ECHDC3: variants seen among roughly 807,000 people sequenced by gnomAD.
ECHDC3 encodes enoyl-CoA hydratase domain containing 3.
In ECHDC3, 20 loss-of-function variants were observed where a neutral mutation model predicts 17.9. That is an observed-to-expected ratio of 1.12 (90% CI 0.79 to 1.63). ECHDC3 has a LOEUF of 1.63. ECHDC3 is among the 40% of genes most tolerant of loss of function. The pLI is 0.00. For synonymous variants in ECHDC3, 177 were observed against 149.7 expected (o/e 1.18, Z -1.33); for missense variants, 407 against 357.7 (o/e 1.14, Z -1.11).
intron 4 of ECHDC3, among the ~76,000 whole-genome samples, chr10:11,760,595 T>C (rs1029398787): frequency 5.9e-5 from 9 of 152,230 alleles, no homozygotes; most frequent in Non-Finnish European, 1.2e-4. Context: ...TTCGTTGTTT[T>C]TTCTTGTTGC....
intron 3 of ECHDC3, among the ~76,000 whole-genome samples, chr10:11,753,704 T>C (rs1832853556): frequency 2.0e-5 from 3 of 152,198 alleles, no homozygotes; most frequent in Admixed American, 2.0e-4. Flanking sequence ...CGCCTTACAG[T>C]GCATGAACCC....
rs375815859 is a variant in ECHDC3, at chr10:11,755,477, G to A, written c.460G>A (p.Gly154Ser). Residue 154 changes from glycine to serine, a missense_variant, in exon 4 of 5, where the codon GGC becomes AGC. Gly to Ser is a moderately conservative substitution (Grantham distance 56). Transcript: ENST00000379215. Reference sequence around the variant, plus strand: ...GGTCAATGGCCTGGCCGCGGCTGCCGGCTGTCAACTGGTTGCCAGCTGCGA... The same window carrying A: ...GGTCAATGGCCTGGCCGCGGCTGCCAGCTGTCAACTGGTTGCCAGCTGCGA... ...AMVNGLAAAA[G>S]CQLVASCDIA... 2.0e-5 allele frequency: 33 copies of A among 1,613,866 alleles called. No individual in the cohort carries two copies. The highest frequency in any genetic ancestry group is 1.7e-4 in the Admixed American group (10 of 59,996).
intron 2 of ECHDC3, 39 bp from the exon 3 acceptor site, chr10:11,749,456 A>G (rs993351089): frequency 3.7e-6 from 6 of 1,608,514 alleles, no homozygotes; most frequent in Non-Finnish European, 5.1e-6. Flanking sequence ...GGGTGTTTAC[A>G]TCTTTTTGTT....
intron 4 of ECHDC3, among the ~76,000 whole-genome samples, chr10:11,759,876 A>G (rs1014919024): frequency 6.6e-5 from 10 of 152,132 alleles, no homozygotes; most frequent in African/African-American, 2.4e-5. Flanking sequence ...TGCACCTGCT[A>G]TCTCTAATCC....
Position 11,742,675 on chromosome 10 carries a change from G to T in ECHDC3, c.99G>T (p.Arg33=). The T allele has an allele frequency of 8.0e-6, 10 of 1,247,010 alleles. No individual in the cohort carries two copies. Among genetic ancestry groups the T allele is most frequent in the Non-Finnish European group, 1.0e-5 (10 of 997,062 alleles). 77.2% of individuals were successfully genotyped at this position (1,247,010 alleles called of 1,614,324 possible). A position where few individuals can be genotyped will look rare whatever the true frequency, so the allele number is the denominator to read the frequency against. ...WAQLPARFCS[R]DPAGAGRRES... ...AGCTCCCCGCCCGCTTCTGCAGCCG[G>T]GACCCGGCCGGGGCGGGGCGGCGGG... Residue 33 remains arginine (R), a synonymous_variant, in exon 1 of 5, where the codon CGG becomes CGT. Transcript: ENST00000379215.
At position 11,753,924 on chromosome 10, in the gene ECHDC3, T is replaced by A. The variant is rs1832856858; in HGVS notation, c.391-1484T>A. ...CAAGTAGGCTGGGATTACAGGCACG[T>A]GCCACCACACCCAGCTAATTTTTGT... On this transcript the variant is annotated intron_variant, in intron 3 of 4. Coordinates refer to ENST00000379215, the MANE Select transcript of ECHDC3 (RefSeq NM_024693.5). Among the ~76,000 whole-genome samples the A allele has an allele frequency of 2.6e-5, 4 of 152,240 alleles. No individual in the cohort carries two copies. In the South Asian group the frequency reaches 8.3e-4, roughly 32 times the overall value.
chr10:11,743,423 C>T (rs1365838064), intron 1 of ECHDC3, among the ~76,000 whole-genome samples: 50 of 152,254 alleles, frequency 3.3e-4, no homozygotes, highest in Non-Finnish European at 7.3e-5. Flanking sequence ...ACTGATAATC[C>T]TCAGATGACC....
chr10:11,747,048 C>T (rs1215842369), intron 1 of ECHDC3, among the ~76,000 whole-genome samples: 1 of 152,140 alleles, frequency 6.6e-6, no homozygotes, highest in Non-Finnish European at 1.5e-5. Flanking sequence ...GATTTTGGAA[C>T]CGCTGTGCAT....
intron 1 of ECHDC3, chr10:11,743,055 G>T (rs917943268): frequency 3.4e-6 from 1 of 296,214 alleles, no homozygotes; most frequent in African/African-American, 2.2e-5. Flanking sequence ...GGGAAGTGTG[G>T]GCTTGGTCGA....
At chr10:11,757,105 T>C (rs956863784) in intron 4 of ECHDC3, among the ~76,000 whole-genome samples, 9 of 152,202 alleles carry the variant, frequency 5.9e-5, no homozygotes, top group Admixed American at 5.9e-4. Context: ...ATTCATAAAC[T>C]ATCTTATAAT....
At chr10:11,762,600 G>T (rs1260777988) in intron 4 of ECHDC3, among the ~76,000 whole-genome samples, 2 of 152,170 alleles carry the variant, frequency 1.3e-5, no homozygotes, top group African/African-American at 4.8e-5. Flanking sequence ...AGGGAGCTGG[G>T]CTCCCCCGCT....
intron 3 of ECHDC3, among the ~76,000 whole-genome samples, chr10:11,752,689 A>T (rs1273510114): frequency 6.6e-6 from 1 of 152,162 alleles, no homozygotes; most frequent in Non-Finnish European, 1.5e-5. Context: ...AGTACTTTAG[A>T]TATGTTAATT....
At position 11,755,555 on chromosome 10, in the gene ECHDC3, G is replaced by A. The variant is rs144481528; in HGVS notation, c.538G>A (p.Gly180Arg). 200 of 1,613,812 alleles carry A rather than the reference G, an allele frequency of 1.2e-4. No homozygotes were observed. The highest frequency in any genetic ancestry group is 1.5e-4 in the Non-Finnish European group (179 of 1,179,972). Residue 180 changes from glycine (G) to arginine (R), a missense_variant, in exon 4 of 5, where the codon GGG becomes AGG. Gly to Arg is a moderately radical substitution (Grantham distance 125, BLOSUM62 -2). Transcript: ENST00000379215. ...SSFATPGVNVGLFCSTPGVAL... is the reference protein window; with the variant it reads ...SSFATPGVNVRLFCSTPGVAL... ...TTTTGCCACTCCTGGGGTGAACGTCGGGCTCTTCTGTTCTACCCCTGGGGT... is the reference window on the plus strand; with the variant it reads ...TTTTGCCACTCCTGGGGTGAACGTCAGGCTCTTCTGTTCTACCCCTGGGGT...
rs1446122545 is a variant in ECHDC3 at position 11,759,774 on chromosome 10, G to T, written c.592-3450G>T. Among the ~76,000 whole-genome samples the T allele has an allele frequency of 5.9e-5, 9 of 152,334 alleles. No individual in the cohort carries two copies. In the South Asian group the frequency reaches 6.2e-4, roughly 11 times the overall value. ...TTAAAAGCCAGCATTAGAGATCATG[G>T]ACCATCTGCAGTTGGCCTAGTTGTG... On this transcript the variant is annotated intron_variant, in intron 4 of 4. Transcript: ENST00000379215.
intron 4 of ECHDC3, among the ~76,000 whole-genome samples, chr10:11,761,207 G>A (rs1173871433): frequency 3.3e-5 from 5 of 152,210 alleles, no homozygotes; most frequent in African/African-American, 9.6e-5. Context: ...TTCTAGATCC[G>A]TGGTTCTAAA....
intron 2 of ECHDC3, 82 bp from the exon 3 acceptor site, chr10:11,749,413 G>A (rs550522069): frequency 1.5e-6 from 2 of 1,334,128 alleles, no homozygotes; most frequent in Non-Finnish European, 2.1e-6. Context: ...AAGTTATTCA[G>A]TAGACAAGGA....
chr10:11,753,929 C>T (rs1832856893), intron 3 of ECHDC3, among the ~76,000 whole-genome samples: 1 of 152,148 alleles, frequency 6.6e-6, no homozygotes, highest in Non-Finnish European at 1.5e-5. Context: ...GCACGTGCCA[C>T]CACACCCAGC....
intron 3 of ECHDC3, among the ~76,000 whole-genome samples, chr10:11,750,755 ATAGTT>A (rs984062397): frequency 2.0e-5 from 3 of 152,226 alleles, no homozygotes; most frequent in Non-Finnish European, 4.4e-5. Flanking sequence ...TGCCTCTAAG[ATAGTT>A]TAACCTAATT....
chr10:11,749,773 C>CTTT lies in ECHDC3; in HGVS notation c.390+219_390+221dup, dbSNP rs869115508. 4.7e-4 allele frequency among the ~76,000 whole-genome samples: 31 copies of CTTT among 65,528 alleles called. 4 individuals are homozygous for CTTT. Among genetic ancestry groups the CTTT allele is most frequent in the African/African-American group, 1.8e-3 (28 of 15,298 alleles). 43.0% of individuals were successfully genotyped at this position (65,528 alleles called of 152,430 possible). A position where few individuals can be genotyped will look rare whatever the true frequency, so the allele number is the denominator to read the frequency against. ...AATCCAGCAATTATTTGGTTTAGAC[C>CTTT]TTTTTTTTTTTTTTTTTTTTTTTTT... On this transcript the variant is annotated intron_variant, in intron 3 of 4. Coordinates refer to ENST00000379215, the MANE Select transcript of ECHDC3 (RefSeq NM_024693.5).
Sources: allele counts gnomAD v4.1 joint callset (sites outside exome capture counted in the v4.1 genomes callset), GRCh38; gene constraint gnomAD v4.1.1; transcripts MANE v1.5; gene names NCBI Gene and HGNC (gene_info 2026-07-23, HGNC 2026-07-21).